Variants in KAZN observed in about 807,000 individuals in gnomAD.
KAZN encodes the protein kazrin.
KAZN carries 40 observed loss-of-function variants against 87.4 expected under a neutral mutation model. That is an observed-to-expected ratio of 0.46 (90% CI 0.36 to 0.60). KAZN has a LOEUF of 0.60. Among genes scored for constraint, KAZN ranks in the 20% least tolerant of loss-of-function variants. The pLI is 0.00. For missense variants in KAZN, 898 were observed against 1,073.9 expected (o/e 0.84, Z 2.29); for synonymous variants, 466 against 458.3 (o/e 1.02, Z -0.22).
intron 2 of KAZN, among the ~76,000 whole-genome samples, chr1:15,034,077 G>A (rs1477578443): frequency 1.3e-5 from 2 of 152,096 alleles, no homozygotes; most frequent in African/African-American, 4.8e-5. Flanking sequence ...TTATTATTGA[G>A]TTGCAAGAGA....
chr1:15,101,881 C>T lies in KAZN; in HGVS notation c.1779+107C>T. On this transcript the variant is annotated intron_variant, in intron 11 of 14. Coordinates refer to ENST00000376030, the MANE Select transcript of KAZN (RefSeq NM_201628.3). ...ACCCACTACCCGTCTATCCATCTGT[C>T]CACCCATCCATCCATCATCCAGCCA... 7.1e-6 allele frequency: 5 copies of T among 707,720 alleles called. No individual in the cohort carries two copies. In the South Asian group the frequency reaches 8.5e-5, roughly 12 times the overall value. 43.8% of individuals were successfully genotyped at this position (707,720 alleles called of 1,614,324 possible).
intron 1 of KAZN, among the ~76,000 whole-genome samples, chr1:14,154,481 C>T (rs1457865383): frequency 6.6e-6 from 1 of 152,142 alleles, no homozygotes; most frequent in East Asian, 1.9e-4. Flanking sequence ...ATTTGAATGC[C>T]CTTTATTTCT....
intron 1 of KAZN, among the ~76,000 whole-genome samples, chr1:14,603,880 G>A (rs541871789): frequency 4.6e-5 from 7 of 152,302 alleles, no homozygotes; most frequent in South Asian, 2.1e-4. Context: ...CCTGCTCACC[G>A]TGCATATCAT....
At position 14,855,340 on chromosome 1, in the gene KAZN, A is replaced by G. The variant is rs192491453; in HGVS notation, c.227-105344A>G. 3.7e-3 allele frequency among the ~76,000 whole-genome samples: 565 copies of G among 152,248 alleles called. 2 individuals carry two copies. Among genetic ancestry groups the G allele is most frequent in the African/African-American group, 0.013 (538 of 41,528 alleles). On this transcript the variant is annotated intron_variant, in intron 1 of 14. Transcript: ENST00000376030. ...ATAAGGAGTTTCTAAGTGAATTTGC[A>G]CCCTGCATGAAAGTTAAATTGCTGC... is the stretch of plus-strand genomic sequence containing the variant.
chr1:14,201,274 A>C (rs1165759135), intron 2 of KAZN, among the ~76,000 whole-genome samples: 1 of 151,794 alleles, frequency 6.6e-6, no homozygotes, highest in Non-Finnish European at 1.5e-5. Context: ...CCTCTTTCCA[A>C]CTCCAACTCA....
intron 2 of KAZN, among the ~76,000 whole-genome samples, chr1:15,007,220 GA>G (rs1669117304): frequency 6.6e-6 from 1 of 152,178 alleles, no homozygotes; most frequent in African/African-American, 2.4e-5. Flanking sequence ...ACAACTCTGA[GA>G]GTCAGCATGT....
At position 14,139,520 on chromosome 1, in the gene KAZN, C is replaced by T. The variant is rs1417146; in HGVS notation, c.92-40915C>T. Among the ~76,000 whole-genome samples the T allele has an allele frequency of 1.4e-4, 21 of 151,978 alleles. No homozygotes were observed. The East Asian group carries it at 2.9e-3, about 21-fold the overall frequency. On this transcript the variant is annotated intron_variant, in intron 1 of 16. Transcript: ENST00000636203. ...CGGCTAGGGAATTTTTGTTGTTGTT[C>T]TTCCTCCTGGAGCTCCCAGCCCCAT...
At chr1:14,506,841 T>C (rs952479633) in intron 2 of KAZN, among the ~76,000 whole-genome samples, 1 of 152,182 alleles carries the variant, frequency 6.6e-6, no homozygotes, top group African/African-American at 2.4e-5. Flanking sequence ...CAAGATTAAA[T>C]AGGAAAAGAT....
At chr1:14,794,493 G>A (rs147899498) in intron 1 of KAZN, among the ~76,000 whole-genome samples, 279 of 152,312 alleles carry the variant, frequency 1.8e-3, no homozygotes, top group African/African-American at 6.5e-3. Context: ...GTGGTGTGCT[G>A]GTAAGTGTTG....
At chr1:14,908,737 G>C (rs971631921) in intron 1 of KAZN, among the ~76,000 whole-genome samples, 7 of 151,878 alleles carry the variant, frequency 4.6e-5, no homozygotes, top group Non-Finnish European at 1.0e-4. Flanking sequence ...ATGTGGGTCC[G>C]GGCATGGTGG....
At chr1:13,926,764 G>A (rs1235107641) in intron 1 of KAZN, among the ~76,000 whole-genome samples, 2 of 152,060 alleles carry the variant, frequency 1.3e-5, no homozygotes, top group Admixed American at 6.5e-5. Context: ...TGGCTGGAGT[G>A]ACATATCATA....
chr1:14,252,335 C>G (rs1299551548), intron 2 of KAZN, among the ~76,000 whole-genome samples: 2 of 152,194 alleles, frequency 1.3e-5, no homozygotes, highest in Non-Finnish European at 2.9e-5. Flanking sequence ...TTGTCTATGA[C>G]AGCATCTTAT....
intron 1 of KAZN, among the ~76,000 whole-genome samples, chr1:14,612,695 G>T (rs1677915511): frequency 6.6e-6 from 1 of 152,070 alleles, no homozygotes; most frequent in African/African-American, 2.4e-5. Context: ...TGGGGGCGGG[G>T]GTCTGTCCTG....
chr1:14,492,116 C>T (rs1259388887), intron 2 of KAZN, among the ~76,000 whole-genome samples: 4 of 152,194 alleles, frequency 2.6e-5, no homozygotes, highest in Non-Finnish European at 5.9e-5. Flanking sequence ...GGTTTGGGGA[C>T]AGCAGTAGAT....
In KAZN at chr1:14,795,937, C is replaced by T. The variant is rs368113412; in HGVS notation, c.227-164747C>T. On this transcript the variant is annotated intron_variant, in intron 1 of 14. Transcript: ENST00000376030. ...CTCACCGGCACCCATTCTTCCTCCC[C>T]GGGGCCTGCTGTGTGTTTCTTTCTG... 3.5e-4 allele frequency among the ~76,000 whole-genome samples: 54 copies of T among 152,294 alleles called. No homozygotes were observed. The South Asian group carries it at 0.01, about 29-fold the overall frequency.
chr1:14,691,099 C>A (rs114141728), intron 1 of KAZN, among the ~76,000 whole-genome samples: 2 of 152,144 alleles, frequency 1.3e-5, no homozygotes, highest in African/African-American at 2.4e-5. Flanking sequence ...ACTAAACAAG[C>A]GCTGACTTAG....
chr1:14,058,436 A>T (rs559822296), intron 1 of KAZN, among the ~76,000 whole-genome samples: 1 of 152,326 alleles, frequency 6.6e-6, no homozygotes, highest in East Asian at 1.9e-4. Context: ...GGGAAAGGGA[A>T]AATATATAAA....
chr1:14,088,849 C>G (rs536229806), intron 1 of KAZN, among the ~76,000 whole-genome samples: 11 of 150,778 alleles, frequency 7.3e-5, no homozygotes, highest in African/African-American at 9.7e-5. Context: ...TTTTTTTGCT[C>G]TCTTCATGAA....
At chr1:14,237,956 C>T (rs1047874723) in intron 2 of KAZN, among the ~76,000 whole-genome samples, 4 of 152,282 alleles carry the variant, frequency 2.6e-5, no homozygotes, top group African/African-American at 9.6e-5. Flanking sequence ...CATTAACTTT[C>T]GGCCTTTCTT....
Sources: gnomAD v4.1 joint callset for allele counts (sites outside exome capture counted in the v4.1 genomes callset) on GRCh38, gnomAD v4.1.1 for gene constraint, MANE v1.5 for transcripts, NCBI Gene and HGNC (gene_info 2026-07-23, HGNC 2026-07-21) for gene names.